BMPR1B: variants seen among roughly 807,000 people sequenced by gnomAD.
BMPR1B encodes bone morphogenetic protein receptor type 1B, also known as bone morphogenetic protein receptor type-1B.
BMPR1B carries 12 observed loss-of-function variants against 59.1 expected under a neutral mutation model. The observed-to-expected ratio is 0.20, with a 90% CI of 0.13 to 0.33. The LOEUF is 0.33. Ranked by LOEUF, BMPR1B falls within the 10% of genes least tolerant of loss-of-function variation. The pLI, the probability that BMPR1B is intolerant of heterozygous loss-of-function variation, is 1.00. For synonymous variants in BMPR1B, 237 were observed against 207.3 expected (o/e 1.14, Z -1.23); for missense variants, 550 against 610.9 (o/e 0.90, Z 1.05).
At chr4:94,820,468 T>C (rs1056754580) in intron 1 of BMPR1B, among the ~76,000 whole-genome samples, 1 of 152,230 alleles carries the variant, frequency 6.6e-6, no homozygotes, top group African/African-American at 2.4e-5. Flanking sequence ...GTGTGCTTTG[T>C]TCATTGTTTA....
intron 2 of BMPR1B, among the ~76,000 whole-genome samples, chr4:94,962,196 A>C (rs556092107): frequency 2.1e-3 from 294 of 141,758 alleles, no homozygotes; most frequent in African/African-American, 7.5e-3. Flanking sequence ...GGAGTGCGGT[A>C]GCGTAATCTT....
intron 2 of BMPR1B, among the ~76,000 whole-genome samples, chr4:94,985,533 G>GTT (rs1027677800): frequency 2.7e-5 from 3 of 110,572 alleles, no homozygotes; most frequent in Non-Finnish European, 4.6e-5. Flanking sequence ...GTGTGTGTGT[G>GTT]TGTGTGTGTG....
chr4:95,149,785 A>G (rs937009644), intron 11 of BMPR1B, among the ~76,000 whole-genome samples: 1 of 152,230 alleles, frequency 6.6e-6, no homozygotes, highest in East Asian at 1.9e-4. Context: ...CATGCACTTA[A>G]CTAGTACTGA....
chr4:94,989,020 C>T (rs918136027), intron 2 of BMPR1B, among the ~76,000 whole-genome samples: 1 of 152,032 alleles, frequency 6.6e-6, no homozygotes, highest in African/African-American at 2.4e-5. Flanking sequence ...TTTGCTTGTA[C>T]CCATTTTCCC....
chr4:94,808,067 C>A (rs926814090), intron 1 of BMPR1B, among the ~76,000 whole-genome samples: 2 of 152,108 alleles, frequency 1.3e-5, no homozygotes, highest in African/African-American at 4.8e-5. Flanking sequence ...AATTGTAAAT[C>A]TCTATTTTGC....
chr4:95,070,419 G>A (rs779536041), intron 3 of BMPR1B, among the ~76,000 whole-genome samples: 34 of 152,282 alleles, frequency 2.2e-4, no homozygotes, highest in Non-Finnish European at 4.3e-4. Flanking sequence ...TGGCGGTGAT[G>A]TTCATCAGAG....
At chr4:94,856,558 G>A (rs548471615) in intron 1 of BMPR1B, among the ~76,000 whole-genome samples, 2 of 152,274 alleles carry the variant, frequency 1.3e-5, no homozygotes, top group Non-Finnish European at 2.9e-5. Flanking sequence ...GTAACAAGAA[G>A]GTCCTGCTGC....
chr4:94,951,880 C>T (rs558941292), intron 2 of BMPR1B, among the ~76,000 whole-genome samples: 2 of 143,760 alleles, frequency 1.4e-5, no homozygotes, highest in East Asian at 3.9e-4. Context: ...GTGAATTCGT[C>T]TGGTCCTGGG....
At chr4:94,866,259 A>G (rs1054759420) in intron 1 of BMPR1B, among the ~76,000 whole-genome samples, 13 of 152,272 alleles carry the variant, frequency 8.5e-5, no homozygotes, top group Admixed American at 3.9e-4. Flanking sequence ...TTCTCTGACC[A>G]AGGAAATAGA....
intron 2 of BMPR1B, among the ~76,000 whole-genome samples, chr4:94,950,090 T>C (rs1020916094): frequency 6.6e-6 from 1 of 152,266 alleles, no homozygotes; most frequent in Non-Finnish European, 1.5e-5. Context: ...AAATGTCTTC[T>C]TTTGCAAGTG....
intron 3 of BMPR1B, among the ~76,000 whole-genome samples, chr4:95,030,306 A>C (rs1724738359): frequency 6.6e-6 from 1 of 152,138 alleles, no homozygotes; most frequent in Non-Finnish European, 1.5e-5. Flanking sequence ...AGGTGTAAGG[A>C]AGGGATCCAG....
chr4:95,122,223 A>G (rs1484030003), intron 6 of BMPR1B, among the ~76,000 whole-genome samples: 2 of 152,052 alleles, frequency 1.3e-5, no homozygotes, highest in South Asian at 2.1e-4. Flanking sequence ...TGTGATCTCA[A>G]CTACTCAGGG....
chr4:94,769,605 C>T (rs1345098686), intron 1 of BMPR1B, among the ~76,000 whole-genome samples: 2 of 91,308 alleles, frequency 2.2e-5, no homozygotes. Flanking sequence ...AGTGAAACAC[C>T]TTCTCAAAAA....
chr4:95,134,846 G>A (rs1471292683), intron 10 of BMPR1B, among the ~76,000 whole-genome samples: 14 of 152,266 alleles, frequency 9.2e-5, no homozygotes, highest in Non-Finnish European at 1.8e-4. Flanking sequence ...TCTTTGCTGT[G>A]CAGAAGCTCT....
chr4:94,972,688 G>A (rs917764691), intron 2 of BMPR1B, among the ~76,000 whole-genome samples: 10 of 151,966 alleles, frequency 6.6e-5, no homozygotes, highest in African/African-American at 1.2e-4. Context: ...GAAAGAGTAC[G>A]AACTTTAGAG....
intron 3 of BMPR1B, among the ~76,000 whole-genome samples, chr4:95,040,012 C>T (rs569377480): frequency 6.6e-6 from 1 of 152,092 alleles, no homozygotes; most frequent in Non-Finnish European, 1.5e-5. Flanking sequence ...TTTCCTCTAG[C>T]ATTAATTTTT....
At chr4:94,886,410 T>C (rs1222703274) in intron 2 of BMPR1B, among the ~76,000 whole-genome samples, 1 of 152,220 alleles carries the variant, frequency 6.6e-6, no homozygotes, top group Non-Finnish European at 1.5e-5. Context: ...CTGTTAATGA[T>C]TGACCAAGCA....
At chr4:94,966,615 A>C (rs936017614) in intron 2 of BMPR1B, among the ~76,000 whole-genome samples, 1 of 152,222 alleles carries the variant, frequency 6.6e-6, no homozygotes, top group Non-Finnish European at 1.5e-5. Flanking sequence ...TTCTTTAAAC[A>C]ATGAACTCTA....
chr4:95,051,849 A>T lies in BMPR1B; in HGVS notation c.-17-52559A>T, dbSNP rs778273346. 5 of 1,429,432 alleles carry T rather than the reference A, an allele frequency of 3.5e-6. No homozygotes were observed. In the Admixed American group the frequency reaches 1.0e-4, roughly 29 times the overall value. 88.5% of individuals were successfully genotyped at this position (1,429,432 alleles called of 1,614,324 possible). On this transcript the variant is annotated intron_variant, in intron 3 of 12. Transcript: ENST00000515059. ...CTGATTTCGTGGCTTTTATCGCAGA[A>T]GGGAAAGTTCAGGCCAGAAGTTCAA...
Sources: allele counts gnomAD v4.1 joint callset (sites outside exome capture counted in the v4.1 genomes callset), GRCh38; gene constraint gnomAD v4.1.1; transcripts MANE v1.5; gene names NCBI Gene and HGNC (gene_info 2026-07-23, HGNC 2026-07-21).